PARD3B: variants seen among roughly 807,000 people sequenced by gnomAD.
PARD3B encodes par-3 family cell polarity regulator beta, also known as partitioning defective 3 homolog B.
In PARD3B, 103 loss-of-function variants were observed where a neutral mutation model predicts 130.2. The observed-to-expected ratio is 0.79, with a 90% CI of 0.67 to 0.93. The LOEUF (loss-of-function observed/expected upper bound fraction) is 0.93. Among genes scored for constraint, PARD3B ranks in the 40% least tolerant of loss-of-function variants. The probability of loss-of-function intolerance (pLI) is 0.00; values close to 1 mark genes in which losing one functional copy is unlikely to be tolerated. For missense variants in PARD3B, 1,609 were observed against 1,499.2 expected (o/e 1.07, Z -1.21); for synonymous variants, 583 against 553.2 (o/e 1.05, Z -0.76).
intron 2 of PARD3B, among the ~76,000 whole-genome samples, chr2:204,910,693 G>A (rs539768231): frequency 4.6e-4 from 70 of 152,298 alleles, no homozygotes; most frequent in African/African-American, 1.6e-3. Flanking sequence ...AGGCTGGAGT[G>A]CAGCGGCGTG....
chr2:205,496,661 A>G (rs983394562), intron 20 of PARD3B, among the ~76,000 whole-genome samples: 13 of 152,118 alleles, frequency 8.5e-5, no homozygotes, highest in African/African-American at 3.1e-4. Context: ...CCATTCCCTT[A>G]TTTGAGAACA....
At chr2:205,608,144 A>G (rs2055084402) in intron 22 of PARD3B, among the ~76,000 whole-genome samples, 1 of 152,178 alleles carries the variant, frequency 6.6e-6, no homozygotes, top group Non-Finnish European at 1.5e-5. Context: ...CAGGAACAGT[A>G]TATTTTGCCC....
chr2:205,062,564 A>T (rs560996917), intron 4 of PARD3B, among the ~76,000 whole-genome samples: 3 of 152,224 alleles, frequency 2.0e-5, no homozygotes, highest in South Asian at 2.1e-4. Context: ...TGCACTGAGG[A>T]TGGAGAATGT....
At chr2:205,047,757 C>A in intron 4 of PARD3B, 67 bp downstream of exon 4, 1 of 1,194,706 alleles carries the variant, frequency 8.4e-7, no homozygotes, top group Non-Finnish European at 1.2e-6. Context: ...TTAAGTGGGA[C>A]TTTGCAGTTT....
intron 2 of PARD3B, among the ~76,000 whole-genome samples, chr2:204,804,058 C>A (rs1433541076): frequency 6.6e-6 from 1 of 151,994 alleles, no homozygotes; most frequent in African/African-American, 2.4e-5. Context: ...CCAGAAAAAA[C>A]AACAACAACA....
intron 15 of PARD3B, 41 bp downstream of exon 15, chr2:205,193,361 C>A: frequency 7.0e-7 from 1 of 1,428,824 alleles, no homozygotes; most frequent in Non-Finnish European, 9.9e-7. Flanking sequence ...GCTCTCCAGC[C>A]TCAGCCCATT....
intron 14 of PARD3B, among the ~76,000 whole-genome samples, chr2:205,189,274 C>T (rs1254742330): frequency 6.6e-6 from 1 of 152,206 alleles, no homozygotes; most frequent in Non-Finnish European, 1.5e-5. Flanking sequence ...TCTTGCCTCT[C>T]AAAATCTTCA....
chr2:205,210,361 A>G (rs1225651017), intron 15 of PARD3B, among the ~76,000 whole-genome samples: 1 of 152,112 alleles, frequency 6.6e-6, no homozygotes, highest in African/African-American at 2.4e-5. Flanking sequence ...TTAAATTTGT[A>G]TTAAAAACAG....
intron 20 of PARD3B, among the ~76,000 whole-genome samples, chr2:205,483,467 A>G (rs1314426929): frequency 2.0e-5 from 3 of 152,230 alleles, no homozygotes. Context: ...AATTACATTC[A>G]TATTTTGCCA....
intron 1 of PARD3B, among the ~76,000 whole-genome samples, chr2:204,660,589 G>A (rs374118545): frequency 1.3e-5 from 2 of 152,186 alleles, no homozygotes; most frequent in African/African-American, 2.4e-5. Flanking sequence ...AGTGGACCAG[G>A]CCAACATCTA....
At chr2:205,383,143 G>GATAGATAGATAGATAGATAGATAGATA (rs1559039157) in intron 18 of PARD3B, among the ~76,000 whole-genome samples, 2 of 135,510 alleles carry the variant, frequency 1.5e-5, no homozygotes, top group Non-Finnish European at 3.3e-5. Context: ...TAGATAGATC[G>GATAGATAGATAGATAGATAGATAGATA]ATCTAAACTA....
At chr2:205,583,774 G>C (rs936561337) in intron 22 of PARD3B, among the ~76,000 whole-genome samples, 1 of 152,104 alleles carries the variant, frequency 6.6e-6, no homozygotes, top group Non-Finnish European at 1.5e-5. Flanking sequence ...AAGATGCTAC[G>C]GAGGTCTGCC....
chr2:204,761,452 C>G (rs1488414451), intron 2 of PARD3B, among the ~76,000 whole-genome samples: 1 of 152,088 alleles, frequency 6.6e-6, no homozygotes, highest in Non-Finnish European at 1.5e-5. Context: ...AGTCCTTAAG[C>G]TGTGTGGCTT....
intron 21 of PARD3B, among the ~76,000 whole-genome samples, chr2:205,501,804 C>G (rs1415478701): frequency 2.0e-5 from 3 of 152,168 alleles, no homozygotes; most frequent in Admixed American, 2.0e-4. Flanking sequence ...CTCACCAAAC[C>G]TGAGCTAGAT....
intron 18 of PARD3B, among the ~76,000 whole-genome samples, chr2:205,374,642 T>C (rs948155375): frequency 6.6e-6 from 1 of 152,188 alleles, no homozygotes; most frequent in African/African-American, 2.4e-5. Flanking sequence ...TTATAGCTAA[T>C]TTTTTACCCC....
intron 2 of PARD3B, among the ~76,000 whole-genome samples, chr2:204,901,989 C>T (rs1163985721): frequency 6.6e-6 from 1 of 152,108 alleles, no homozygotes; most frequent in Non-Finnish European, 1.5e-5. Flanking sequence ...ACAATGTCCT[C>T]TCTACTCTTC....
chr2:204,766,965 C>CTTTTTTTTTTTTTTTTTTTCT (rs68009060), intron 2 of PARD3B, among the ~76,000 whole-genome samples: 1 of 114,482 alleles, frequency 8.7e-6, no homozygotes, highest in East Asian at 2.7e-4. Context: ...TTTTCTTTTT[C>CTTTTTTTTTTTTTTTTTTTCT]TTTTTTTTTT....
At chr2:205,377,002 A>G (rs1210056591) in intron 18 of PARD3B, among the ~76,000 whole-genome samples, 2 of 152,158 alleles carry the variant, frequency 1.3e-5, no homozygotes, top group Admixed American at 6.5e-5. Flanking sequence ...CCCAGAGATG[A>G]TATAATAGCT....
chr2:204,849,875 G>A (rs963863063), intron 2 of PARD3B, among the ~76,000 whole-genome samples: 6 of 152,148 alleles, frequency 3.9e-5, no homozygotes, highest in African/African-American at 1.4e-4. Context: ...AGAAGGATAA[G>A]TAAATTGTCA....
Sources: gnomAD v4.1 joint callset for allele counts (sites outside exome capture counted in the v4.1 genomes callset) on GRCh38, gnomAD v4.1.1 for gene constraint, MANE v1.5 for transcripts, NCBI Gene and HGNC (gene_info 2026-07-23, HGNC 2026-07-21) for gene names.